SLC44A3: variants seen among roughly 807,000 people sequenced by gnomAD.
SLC44A3 encodes the protein solute carrier family 44 member 3, also known as choline transporter-like protein 3.
Under a neutral mutation model 75.4 loss-of-function variants are expected in SLC44A3, and 74 were observed. The ratio of observed to expected loss-of-function variants is 0.98; its 90% CI spans 0.81 to 1.19. The LOEUF is 1.19. Ranked by LOEUF, SLC44A3 falls within the 50% of genes most tolerant of loss-of-function variation. The probability of loss-of-function intolerance (pLI) is 0.00; values close to 1 mark genes in which losing one functional copy is unlikely to be tolerated. For missense variants in SLC44A3, 700 were observed against 778.6 expected, an observed-to-expected ratio of 0.90 and a Z score of 1.20; for synonymous variants, 310 against 296.9, an observed-to-expected ratio of 1.04 and a Z score of -0.45.
chr1:94,856,252 A>C (rs977877856), intron 9 of SLC44A3, among the ~76,000 whole-genome samples: 1 of 152,120 alleles, frequency 6.6e-6, no homozygotes, highest in Non-Finnish European at 1.5e-5. Context: ...CTTTCCAAGT[A>C]CTCTCACTCC....
chr1:94,840,792 C>G (rs1663524368), intron 7 of SLC44A3, among the ~76,000 whole-genome samples: 1 of 152,250 alleles, frequency 6.6e-6, no homozygotes, highest in African/African-American at 2.4e-5. Context: ...AGAAGACACA[C>G]AGGCCTGCAT....
chr1:94,846,762 T>C (rs1053885607), intron 9 of SLC44A3, among the ~76,000 whole-genome samples: 10 of 152,256 alleles, frequency 6.6e-5, no homozygotes, highest in South Asian at 2.1e-4. Context: ...GTCACCAGAC[T>C]GATAAGGACC....
intron 5 of SLC44A3, among the ~76,000 whole-genome samples, chr1:94,835,309 C>A (rs1005543913): frequency 4.6e-5 from 7 of 151,930 alleles, no homozygotes; most frequent in Admixed American, 1.3e-4. Context: ...CTGTCATGAC[C>A]AAAGAGGAGA....
chr1:94,894,701 T>G, intron 14 of SLC44A3, 117 bp from the exon 15 acceptor site: 1 of 765,094 alleles, frequency 1.3e-6, no homozygotes, highest in Admixed American at 2.4e-5. Flanking sequence ...ATCTGCCTTT[T>G]GTAAGTTAAT....
chr1:94,885,029 T>C (rs1483836183), intron 12 of SLC44A3, among the ~76,000 whole-genome samples: 1 of 151,992 alleles, frequency 6.6e-6, no homozygotes, highest in Non-Finnish European at 1.5e-5. Context: ...GCAGATCACA[T>C]GAGGTCAGGA....
intron 2 of SLC44A3, among the ~76,000 whole-genome samples, chr1:94,822,522 T>C (rs572762285): frequency 1.5e-4 from 22 of 146,242 alleles, no homozygotes; most frequent in Non-Finnish European, 2.6e-4. Context: ...GTTGTTCAGC[T>C]TTCAGGTCTT....
At position 94,857,501 on chromosome 1, in the gene SLC44A3, G is replaced by A. The variant is rs748693419; in HGVS notation, c.1238+1G>A. The A allele has an allele frequency of 6.2e-7, 1 of 1,608,276 alleles. No individual in the cohort carries two copies. The highest frequency in any genetic ancestry group is 8.5e-7 in the Non-Finnish European group (1 of 1,178,154). On this transcript the variant is annotated splice_donor_variant, in intron 10 of 14. Coordinates refer to ENST00000271227, the MANE Select transcript of SLC44A3 (RefSeq NM_001114106.3). LOFTEE classifies it high-confidence loss of function. Reference sequence around the variant, plus strand: ...CAGTGGTTACTTGTTATTTCAACAGGTAGGTCCAGTGTTTTTTTTCTATTG... The same window carrying A: ...CAGTGGTTACTTGTTATTTCAACAGATAGGTCCAGTGTTTTTTTTCTATTG...
intron 10 of SLC44A3, among the ~76,000 whole-genome samples, chr1:94,859,830 C>G (rs1391665844): frequency 6.6e-6 from 1 of 152,210 alleles, no homozygotes; most frequent in Non-Finnish European, 1.5e-5. Context: ...GTTGGCAGCT[C>G]ATTTGATATT....
chr1:94,866,935 G>GT (rs199657756), intron 11 of SLC44A3, among the ~76,000 whole-genome samples: 4,636 of 151,522 alleles, frequency 0.031, 75 homozygotes, highest in Non-Finnish European at 0.043. Context: ...TGTATTATTT[G>GT]TTTTTTTTGT....
At position 94,864,825 on chromosome 1, in the gene SLC44A3, G is replaced by C. The variant is rs1557860214; in HGVS notation, c.1321G>C (p.Gly441Arg). 1 of 1,613,990 alleles carries C rather than the reference G, an allele frequency of 6.2e-7. No homozygotes were observed. Among genetic ancestry groups the C allele is most frequent in the Non-Finnish European group, 8.5e-7 (1 of 1,179,916 alleles). Reference protein sequence around the residue: ...FFYHQGTVVKGSFLISVVRIP... With the variant: ...FFYHQGTVVKRSFLISVVRIP... ...CTACCATCAAGGAACCGTTGTGAAA[G>C]GGTCATTTTTAATCTCTGTGGTGAG... The change falls in exon 11 of 15, where the codon GGG becomes CGG. Residue 441 changes from glycine to arginine, a missense_variant. Coordinates refer to ENST00000271227, the MANE Select transcript of SLC44A3 (RefSeq NM_001114106.3).
chr1:94,850,085 T>TA (rs958557588), intron 9 of SLC44A3, among the ~76,000 whole-genome samples: 1 of 151,902 alleles, frequency 6.6e-6, no homozygotes, highest in South Asian at 2.1e-4. Flanking sequence ...TTTACTGCAT[T>TA]AAAAAAAATA....
Position 94,894,944 on chromosome 1 carries a change from C to T in SLC44A3, c.*22C>T. ...ATAGATACCCATTTAGGTATCTGTA[C>T]CTGGAAAACATTTCCTTCTAAGAGC... On this transcript the variant is annotated 3_prime_UTR_variant, in exon 15 of 15. Coordinates refer to ENST00000271227, the MANE Select transcript of SLC44A3 (RefSeq NM_001114106.3). 6.4e-7 allele frequency: 1 copy of T among 1,559,194 alleles called. No individual in the cohort carries two copies. The highest frequency in any genetic ancestry group is 8.8e-7 in the Non-Finnish European group (1 of 1,139,372).
intron 11 of SLC44A3, 69 bp downstream of exon 11, chr1:94,864,968 T>C (rs1015322245): frequency 1.3e-6 from 2 of 1,541,232 alleles, no homozygotes; most frequent in South Asian, 2.4e-5. Flanking sequence ...ACTGGAAAAC[T>C]ACAGCAGGTC....
At chr1:94,878,288 G>C (rs1159319572) in intron 12 of SLC44A3, among the ~76,000 whole-genome samples, 2 of 152,090 alleles carry the variant, frequency 1.3e-5, no homozygotes, top group East Asian at 3.9e-4. Context: ...ACTTGGTTGG[G>C]GCCCAAAGAA....
chr1:94,854,414 A>G (rs904172950), intron 9 of SLC44A3, among the ~76,000 whole-genome samples: 1 of 152,152 alleles, frequency 6.6e-6, no homozygotes, highest in Admixed American at 6.5e-5. Context: ...TCCCACCACC[A>G]TCCCCTGAGA....
intron 12 of SLC44A3, among the ~76,000 whole-genome samples, chr1:94,883,088 G>C (rs1012169537): frequency 3.3e-5 from 5 of 151,458 alleles, no homozygotes; most frequent in Non-Finnish European, 7.4e-5. Context: ...TCAGCAGAGA[G>C]AACCGCATCT....
chr1:94,858,898 G>A (rs559069938), intron 10 of SLC44A3, among the ~76,000 whole-genome samples: 1 of 152,172 alleles, frequency 6.6e-6, no homozygotes, highest in African/African-American at 2.4e-5. Context: ...CACCATGTTG[G>A]CCAGGATGGT....
chr1:94,861,190 C>A (rs1336011182), intron 10 of SLC44A3, among the ~76,000 whole-genome samples: 1 of 152,166 alleles, frequency 6.6e-6, no homozygotes, highest in Non-Finnish European at 1.5e-5. Context: ...ATAACAAACA[C>A]TAAGCATTAA....
chr1:94,867,447 C>G, intron 12 of SLC44A3, 30 bp downstream of exon 12: 2 of 1,569,790 alleles, frequency 1.3e-6, no homozygotes, highest in South Asian at 1.2e-5. Flanking sequence ...CTCAGGAACA[C>G]ACAGAAGGGT....
Sources: allele counts gnomAD v4.1 joint callset (sites outside exome capture counted in the v4.1 genomes callset), GRCh38; gene constraint gnomAD v4.1.1; transcripts MANE v1.5; gene names NCBI Gene and HGNC (gene_info 2026-07-23, HGNC 2026-07-21).